Variants in CCDC88C observed in about 807,000 individuals in gnomAD.
CCDC88C encodes protein Daple.
Under a neutral mutation model 198.8 loss-of-function variants are expected in CCDC88C, and 131 were observed. That is an observed-to-expected ratio of 0.66 (90% confidence interval 0.57 to 0.76). The LOEUF (loss-of-function observed/expected upper bound fraction) is 0.76, where lower values mean the gene tolerates loss of function less well. Among genes scored for constraint, CCDC88C ranks in the 30% least tolerant of loss-of-function variants. The pLI is 0.00. For synonymous variants in CCDC88C, 1,166 were observed against 1,114.7 expected, an observed-to-expected ratio of 1.05 and a Z score of -0.92; for missense variants, 2,553 against 2,631.6, an observed-to-expected ratio of 0.97 and a Z score of 0.65.
intron 4 of CCDC88C, among the ~76,000 whole-genome samples, chr14:91,353,714 T>C (rs984606914): frequency 3.3e-5 from 5 of 152,188 alleles, no homozygotes; most frequent in Non-Finnish European, 5.9e-5. Context: ...CTCTTCAGGG[T>C]GCTTCCTCTG....
In CCDC88C at chr14:91,271,727, A is replaced by T. The variant is rs1047214524; in HGVS notation, c.*898T>A. On this transcript the variant is annotated 3_prime_UTR_variant, in exon 30 of 30. Coordinates refer to ENST00000389857, the MANE Select transcript of CCDC88C (RefSeq NM_001080414.4). ...TACCCAAAAAGTTATTCAGAAATAAATCAACACCCCGAGACCGGGGATGTC... is the reference window on the plus strand; with the variant it reads ...TACCCAAAAAGTTATTCAGAAATAATTCAACACCCCGAGACCGGGGATGTC... The T allele has an allele frequency of 6.6e-6, 1 of 152,412 alleles. No individual in the cohort carries two copies. Among genetic ancestry groups the T allele is most frequent in the Admixed American group, 6.5e-5 (1 of 15,288 alleles). 9.4% of individuals were successfully genotyped at this position (152,412 alleles called of 1,614,324 possible). A position where few individuals can be genotyped will look rare whatever the true frequency, so the allele number is the denominator to read the frequency against.
chr14:91,324,852 C>T lies in CCDC88C; in HGVS notation c.1269G>A (p.Lys423=). 2 of 1,613,852 alleles carry T rather than the reference C, an allele frequency of 1.2e-6. No individual in the cohort carries two copies. The highest frequency in any genetic ancestry group is 1.7e-6 in the Non-Finnish European group (2 of 1,179,900). Residue 423 remains lysine, a synonymous_variant, in exon 12 of 30, where the codon AAG becomes AAA. Transcript: ENST00000389857. ...EENMVLEIAQ[K]QSMNESAHLG... The stretch of plus-strand genomic sequence containing the variant: ...GGTGGGCAGATTCGTTCATGCTCTG[C>T]TTCTGTGCAATCTCAAGGACCATGT...
At chr14:91,415,069 G>A (rs1258020747) in intron 2 of CCDC88C, among the ~76,000 whole-genome samples, 4 of 152,178 alleles carry the variant, frequency 2.6e-5, no homozygotes, top group African/African-American at 9.7e-5. Flanking sequence ...GGAGCTGAAT[G>A]AAAAGGCTGG....
At chr14:91,370,074 C>T (rs1165641446) in intron 3 of CCDC88C, among the ~76,000 whole-genome samples, 2 of 152,132 alleles carry the variant, frequency 1.3e-5, no homozygotes, top group South Asian at 2.1e-4. Context: ...GGAGGAGAAC[C>T]GCTGGGAAGG....
intron 3 of CCDC88C, among the ~76,000 whole-genome samples, chr14:91,393,574 C>T (rs2139984590): frequency 6.6e-6 from 1 of 152,310 alleles, no homozygotes; most frequent in Non-Finnish European, 1.5e-5. Context: ...CAGAAACCAC[C>T]AACGCTTCCT....
chr14:91,272,493 G>T lies in CCDC88C; in HGVS notation c.*132C>A. On this transcript the variant is annotated 3_prime_UTR_variant, in exon 30 of 30. Transcript: ENST00000389857. ...AGTGTTTCCATTCACAGAACAAACA[G>T]CAGAAATGCGTGGGAACCCCTTTCC... 2.2e-6 allele frequency: 2 copies of T among 901,112 alleles called. No individual in the cohort carries two copies. Among genetic ancestry groups the T allele is most frequent in the Non-Finnish European group, 3.4e-6 (2 of 592,288 alleles). The allele number at this position is 901,112 out of a possible 1,614,324, so 55.8% of individuals were successfully genotyped here.
At chr14:91,329,710 GA>G (rs1216067084) in intron 10 of CCDC88C, among the ~76,000 whole-genome samples, 1 of 152,270 alleles carries the variant, frequency 6.6e-6, no homozygotes, top group Non-Finnish European at 1.5e-5. Flanking sequence ...CATCTGAAAA[GA>G]GGGGAGGAAC....
At chr14:91,290,462 C>A (rs1385323016) in intron 24 of CCDC88C, among the ~76,000 whole-genome samples, 1 of 152,258 alleles carries the variant, frequency 6.6e-6, no homozygotes, top group African/African-American at 2.4e-5. Flanking sequence ...CAAGGGGCAG[C>A]ACTGCTAGGG....
At position 91,273,028 on chromosome 14, in the gene CCDC88C, C is replaced by T. The variant is rs1163593040; in HGVS notation, c.5684G>A (p.Arg1895Lys). The change falls in exon 30 of 30, where the codon AGG becomes AAG. Residue 1895 changes from arginine to lysine, a missense_variant. Physicochemically the swap from Arg to Lys is conservative, Grantham distance 26. This residue lies in a region of CCDC88C where 1,293 missense variants were observed against 1,219.6 expected (regional missense o/e 1.06). Transcript: ENST00000389857. This position sits in a 1 kb window ranked among gnomAD's most constrained non-coding sequence, Gnocchi z 5.6. ...RFSLAPPKEE[R>K]LAPLHQSATA... ...GGCAGACTGATGCAGGGGGGCCAGC[C>T]TCTCCTCCTTTGGGGGAGCCAGGGA... is the stretch of plus-strand genomic sequence containing the variant. The T allele has an allele frequency of 1.9e-6, 3 of 1,555,234 alleles. No homozygotes were observed. The South Asian group carries it at 3.5e-5, about 18-fold the overall frequency.
In CCDC88C at chr14:91,316,113, C is replaced by T. The variant is rs1346395957; in HGVS notation, c.1528-326G>A. ...AGCTTCCTGTCCTCCTGGAGACTTC[C>T]TGCCTCAGTTGGTGATGTCACCTGG... On this transcript the variant is annotated intron_variant, in intron 13 of 29. Transcript: ENST00000389857. Among the ~76,000 whole-genome samples, 3 of 152,204 alleles carry T rather than the reference C, an allele frequency of 2.0e-5. No homozygotes were observed. The East Asian group carries it at 5.8e-4, about 29-fold the overall frequency.
At chr14:91,392,769 C>G (rs1386800474) in intron 3 of CCDC88C, among the ~76,000 whole-genome samples, 1 of 151,542 alleles carries the variant, frequency 6.6e-6, no homozygotes, top group African/African-American at 2.4e-5. Flanking sequence ...CTCACCGCGC[C>G]CCTCACTCTC....
chr14:91,361,013 G>A (rs1894281057), intron 3 of CCDC88C, among the ~76,000 whole-genome samples: 1 of 151,898 alleles, frequency 6.6e-6, no homozygotes, highest in Non-Finnish European at 1.5e-5. Context: ...GTGTGGCACT[G>A]AGGCCTTGTG....
chr14:91,377,237 G>A (rs1298402648), intron 3 of CCDC88C, among the ~76,000 whole-genome samples: 1 of 152,200 alleles, frequency 6.6e-6, no homozygotes, highest in East Asian at 1.9e-4. Context: ...TGCCACGCGA[G>A]CCCTTCCACC....
At chr14:91,305,399 C>T (rs1891515564) in intron 19 of CCDC88C, among the ~76,000 whole-genome samples, 1 of 152,114 alleles carries the variant, frequency 6.6e-6, no homozygotes, top group East Asian at 1.9e-4. Context: ...CTGCCAGGTT[C>T]TACAGTAAAG....
Position 91,294,248 on chromosome 14 carries a change from C to G in CCDC88C, c.4037G>C (p.Ser1346Thr). The G allele has an allele frequency of 6.2e-7, 1 of 1,614,036 alleles. No individual in the cohort carries two copies. The highest frequency in any genetic ancestry group is 2.2e-5 in the East Asian group (1 of 44,884). The change falls in exon 23 of 30, where the codon AGC (serine) becomes ACC (threonine). Residue 1346 changes from serine (S) to threonine (T), a missense_variant. Ser to Thr is a moderately conservative substitution (Grantham distance 58). This residue lies in a region of CCDC88C where 1,293 missense variants were observed against 1,219.6 expected (regional missense o/e 1.06). Transcript: ENST00000389857. ...CTCCAGAAGCATCTGGTTCTGCTGG[C>G]TCAACAGCTGGATCTGGCTCAGGAG... ...HHLLSQIQLL[S>T]QQNQMLLEQN...
In CCDC88C at chr14:91,410,694, C is replaced by G. The variant is rs183508046; in HGVS notation, c.162-1927G>C. Reference sequence around the variant, plus strand: ...GTAATTTATCTTAAAGGTACAATTCCCCTCCCTTTACTGTAGATACCTTAA... The same window carrying G: ...GTAATTTATCTTAAAGGTACAATTCGCCTCCCTTTACTGTAGATACCTTAA... On this transcript the variant is annotated intron_variant, in intron 2 of 29. Coordinates refer to ENST00000389857, the MANE Select transcript of CCDC88C (RefSeq NM_001080414.4). 2.0e-5 allele frequency among the ~76,000 whole-genome samples: 3 copies of G among 152,276 alleles called. No individual in the cohort carries two copies. In the East Asian group the frequency reaches 5.8e-4, roughly 29 times the overall value.
chr14:91,317,722 C>T (rs1892162533), intron 13 of CCDC88C, among the ~76,000 whole-genome samples: 1 of 152,232 alleles, frequency 6.6e-6, no homozygotes, highest in Non-Finnish European at 1.5e-5. Flanking sequence ...TCCGGCGCCC[C>T]CACGACCAGA....
In CCDC88C at chr14:91,313,059, G is replaced by C. The variant is rs373658914; in HGVS notation, c.2736+21C>G. 1 of 1,549,174 alleles carries C rather than the reference G, an allele frequency of 6.5e-7. No homozygotes were observed. Among genetic ancestry groups the C allele is most frequent in the South Asian group, 1.2e-5 (1 of 80,802 alleles). Reference sequence around the variant, plus strand: ...CCACCATCTGCCAATCCCCTTACAGGCGCCGCCTGTGTTTGCTCACCTCCC... The same window carrying C: ...CCACCATCTGCCAATCCCCTTACAGCCGCCGCCTGTGTTTGCTCACCTCCC... On this transcript the variant is annotated intron_variant, in intron 15 of 29. Coordinates refer to ENST00000389857, the MANE Select transcript of CCDC88C (RefSeq NM_001080414.4). The surrounding 1 kb of genome is among the most constrained non-coding windows in gnomAD (Gnocchi z 5.2).
chr14:91,330,415 G>A lies in CCDC88C; in HGVS notation c.1051-4359C>T, dbSNP rs532496885. On this transcript the variant is annotated intron_variant, in intron 10 of 29. Coordinates refer to ENST00000389857, the MANE Select transcript of CCDC88C (RefSeq NM_001080414.4). The stretch of plus-strand genomic sequence containing the variant: ...GGGTTTTACCCAGGAGCCATGGAGA[G>A]TGGCTGCAAAGGCCTCTGCAGCAGG... Among the ~76,000 whole-genome samples the A allele has an allele frequency of 8.5e-5, 13 of 152,320 alleles. No individual in the cohort carries two copies. The East Asian group carries it at 2.3e-3, about 27-fold the overall frequency.
Sources: allele counts gnomAD v4.1 joint callset (sites outside exome capture counted in the v4.1 genomes callset), GRCh38; gene constraint gnomAD v4.1.1; regional missense constraint gnomAD v4.1.1; non-coding constraint Gnocchi (gnomAD v3.1); transcripts MANE v1.5; gene names NCBI Gene and HGNC (gene_info 2026-07-23, HGNC 2026-07-21).